MAN1A2: variants seen among roughly 807,000 people sequenced by gnomAD.
MAN1A2 encodes mannosidase alpha class 1A member 2, also known as mannosyl-oligosaccharide 1,2-alpha-mannosidase IB.
Under a neutral mutation model 75.7 loss-of-function variants are expected in MAN1A2, and 26 were observed. The observed-to-expected ratio is 0.34, with a 90% confidence interval of 0.25 to 0.48. The LOEUF (loss-of-function observed/expected upper bound fraction) is 0.48, where lower values mean the gene tolerates loss of function less well. Among genes scored for constraint, MAN1A2 ranks in the 20% least tolerant of loss-of-function variants. The probability of loss-of-function intolerance (pLI) is 0.99; values close to 1 mark genes in which losing one functional copy is unlikely to be tolerated. For missense variants in MAN1A2, 562 were observed against 775.5 expected (o/e 0.72, Z 3.27); for synonymous variants, 247 against 264.6 (o/e 0.93, Z 0.65).
At position 117,524,384 on chromosome 1, in the gene MAN1A2, A is replaced by G. The variant is rs1354186109; in HGVS notation, c.*1427A>G. On this transcript the variant is annotated 3_prime_UTR_variant, in exon 13 of 13. Transcript: ENST00000356554. ...AATTTTCTGTCCTTAAATTTATGTGACAGTGCAAGATACTTTTGCTCTTTT... is the reference window on the plus strand; with the variant it reads ...AATTTTCTGTCCTTAAATTTATGTGGCAGTGCAAGATACTTTTGCTCTTTT... 1 of 151,960 alleles carries G rather than the reference A, an allele frequency of 6.6e-6. No homozygotes were observed. Among genetic ancestry groups the G allele is most frequent in the African/African-American group, 2.4e-5 (1 of 41,408 alleles). The allele number at this position is 151,960 out of a possible 1,614,324, so 9.4% of individuals were successfully genotyped here.
intron 1 of MAN1A2, among the ~76,000 whole-genome samples, chr1:117,400,690 C>A (rs566527747): frequency 6.6e-6 from 1 of 152,128 alleles, no homozygotes; most frequent in Non-Finnish European, 1.5e-5. Flanking sequence ...AAACAATTCA[C>A]TCCTTTTTAT....
chr1:117,521,438 T>C (rs149454802), intron 12 of MAN1A2, among the ~76,000 whole-genome samples: 7 of 151,930 alleles, frequency 4.6e-5, no homozygotes, highest in African/African-American at 1.7e-4. Context: ...TCAACATCAC[T>C]AATGATCAGG....
At chr1:117,489,502 C>T (rs1453553415) in intron 8 of MAN1A2, among the ~76,000 whole-genome samples, 1 of 151,948 alleles carries the variant, frequency 6.6e-6, no homozygotes, top group Non-Finnish European at 1.5e-5. Flanking sequence ...TGTGTGTACC[C>T]TATTTTAATT....
At chr1:117,476,731 A>T (rs1325795944) in intron 8 of MAN1A2, among the ~76,000 whole-genome samples, 1 of 152,008 alleles carries the variant, frequency 6.6e-6, no homozygotes, top group African/African-American at 2.4e-5. Flanking sequence ...CTGTTTTGGT[A>T]CCAGTACCAT....
chr1:117,493,340 A>C, intron 9 of MAN1A2, 78 bp downstream of exon 9: 2 of 817,626 alleles, frequency 2.4e-6, no homozygotes, highest in Non-Finnish European at 4.0e-6. Context: ...TGAATATCTT[A>C]TAACCATTTT....
chr1:117,426,020 G>GACCTCAC (rs1293153622), intron 5 of MAN1A2, among the ~76,000 whole-genome samples: 1 of 152,046 alleles, frequency 6.6e-6, no homozygotes, highest in Middle Eastern at 3.2e-3. Context: ...TCTATTGGTA[G>GACCTCAC]TGAGTTCTTT....
At chr1:117,383,140 A>G (rs188180991) in intron 1 of MAN1A2, among the ~76,000 whole-genome samples, 4 of 152,294 alleles carry the variant, frequency 2.6e-5, no homozygotes, top group Non-Finnish European at 5.9e-5. Flanking sequence ...TCAGTCTTTC[A>G]CCATTGAGTG....
intron 6 of MAN1A2, among the ~76,000 whole-genome samples, chr1:117,459,476 A>G (rs1208061031): frequency 6.6e-6 from 1 of 152,194 alleles, no homozygotes; most frequent in African/African-American, 2.4e-5. Context: ...TGAAATTCCC[A>G]GGGCCATTTC....
chr1:117,520,065 T>TA (rs1386715829), intron 12 of MAN1A2, among the ~76,000 whole-genome samples: 1 of 151,180 alleles, frequency 6.6e-6, no homozygotes, highest in Non-Finnish European at 1.5e-5. Flanking sequence ...TAAACAGAAC[T>TA]AAAAATCACA....
chr1:117,428,771 A>C (rs979147812), intron 5 of MAN1A2, among the ~76,000 whole-genome samples: 28 of 149,806 alleles, frequency 1.9e-4, no homozygotes, highest in Admixed American at 1.6e-3. Context: ...GTCAGAGACA[A>C]GAGGAGACCT....
intron 6 of MAN1A2, among the ~76,000 whole-genome samples, chr1:117,453,108 C>G (rs1445162781): frequency 6.6e-6 from 1 of 152,136 alleles, no homozygotes; most frequent in Non-Finnish European, 1.5e-5. Flanking sequence ...TACTGCTAAG[C>G]AAAAATCTCT....
At position 117,423,905 on chromosome 1, in the gene MAN1A2, G is replaced by A. The variant is rs147912935; in HGVS notation, c.855+3256G>A. Among the ~76,000 whole-genome samples the A allele has an allele frequency of 2.7e-3, 397 of 144,756 alleles. 8 individuals are homozygous for A. Among genetic ancestry groups the A allele is most frequent in the Admixed American group, 0.022 (306 of 14,180 alleles). 95.0% of individuals were successfully genotyped at this position (144,756 alleles called of 152,430 possible). ...TCTTTCTTTTTTTTTTTTTTGAGAC[G>A]GAGTTTTGCTCTTATTGCCCAGGCT... On this transcript the variant is annotated intron_variant, in intron 5 of 12. Coordinates refer to ENST00000356554, the MANE Select transcript of MAN1A2 (RefSeq NM_006699.5).
intron 8 of MAN1A2, among the ~76,000 whole-genome samples, chr1:117,482,718 T>A (rs1473148472): frequency 2.3e-5 from 3 of 129,060 alleles, no homozygotes; most frequent in African/African-American, 7.5e-5. Flanking sequence ...GTAGTTTCTT[T>A]TGCCATGCAG....
chr1:117,448,176 G>A (rs1649299780), intron 6 of MAN1A2, among the ~76,000 whole-genome samples: 1 of 151,964 alleles, frequency 6.6e-6, no homozygotes, highest in Admixed American at 6.6e-5. Flanking sequence ...TATTCTCCTT[G>A]CGGCAATTCT....
intron 12 of MAN1A2, among the ~76,000 whole-genome samples, chr1:117,518,570 C>T (rs1464058672): frequency 3.3e-5 from 5 of 151,854 alleles, no homozygotes; most frequent in Admixed American, 3.3e-4. Flanking sequence ...TTTAAAACAA[C>T]AGCAATTAAA....
chr1:117,512,710 A>G (rs1050858546), intron 12 of MAN1A2, among the ~76,000 whole-genome samples: 3 of 150,982 alleles, frequency 2.0e-5, no homozygotes, highest in Non-Finnish European at 2.9e-5. Flanking sequence ...AGTGCTTCCT[A>G]TGTCCTAATA....
intron 5 of MAN1A2, 83 bp from the exon 6 acceptor site, chr1:117,442,148 C>G: frequency 1.2e-6 from 1 of 866,148 alleles, no homozygotes; most frequent in Non-Finnish European, 2.0e-6. Context: ...GTACCTTGTG[C>G]TATGTATACT....
At chr1:117,391,752 A>G (rs1653726908) in intron 1 of MAN1A2, among the ~76,000 whole-genome samples, 1 of 152,186 alleles carries the variant, frequency 6.6e-6, no homozygotes, top group African/African-American at 2.4e-5. Context: ...TAAACTTAAC[A>G]GGTCTAAAAT....
At chr1:117,457,553 A>G (rs968627309) in intron 6 of MAN1A2, among the ~76,000 whole-genome samples, 8 of 152,114 alleles carry the variant, frequency 5.3e-5, no homozygotes, top group Non-Finnish European at 1.0e-4. Context: ...ACTATGTAAA[A>G]AATTTAAAAA....
Sources: allele counts gnomAD v4.1 joint callset (sites outside exome capture counted in the v4.1 genomes callset), GRCh38; gene constraint gnomAD v4.1.1; transcripts MANE v1.5; gene names NCBI Gene and HGNC (gene_info 2026-07-23, HGNC 2026-07-21).